Variants in CLEC20A observed in about 807,000 individuals in gnomAD.
The protein encoded by CLEC20A is C-type lectin domain containing 20A.
rs191290839 is a variant in CLEC20A, at chr1:178,492,515, G to A, written c.449C>T (p.Thr150Ile). The A allele has an allele frequency of 9.0e-4, 359 of 398,560 alleles. 1 individual carries two copies. Among genetic ancestry groups the A allele is most frequent in the African/African-American group, 6.9e-3 (338 of 48,728 alleles). 24.7% of individuals were successfully genotyped at this position (398,560 alleles called of 1,614,324 possible). ...CAGGTATGTACCTGGCTTTGGAGAG[G>A]TGGTCAGGCTGAGAGAGGGCTTCGT... The change falls in exon 3 of 8, where the codon ACC becomes ATC. Residue 150 changes from threonine to isoleucine, a missense_variant. Thr to Ile is a moderately conservative substitution (Grantham distance 89). Coordinates refer to ENST00000623247, the Ensembl canonical transcript of CLEC20A.
In CLEC20A at chr1:178,483,337, C is replaced by T. The variant is rs573297822; in HGVS notation, c.929-55G>A. 1.0e-5 allele frequency: 4 copies of T among 398,216 alleles called. No homozygotes were observed. The South Asian group carries it at 5.1e-4, about 51-fold the overall frequency. The allele number at this position is 398,216 out of a possible 1,614,324, so 24.7% of individuals were successfully genotyped here. On this transcript the variant is annotated intron_variant, in intron 5 of 7. Transcript: ENST00000623247. ...GCAAATACAACCAGGAGTAAGGTGG[C>T]CTGATATTGGTGACTGCCCCTGAGC...
intron 5 of CLEC20A, 64 bp downstream of exon 5, chr1:178,488,437 G>T (rs1649200071): frequency 2.5e-6 from 1 of 398,608 alleles, no homozygotes. Context: ...GGGCCTGCAA[G>T]CCAGCCTTGC....
chr1:178,497,126 G>C (rs965221251), upstream of CLEC20A: 13 of 395,722 alleles, frequency 3.3e-5, no homozygotes, highest in Non-Finnish European at 4.9e-5. Context: ...AGTGTCTGTC[G>C]CTGCCAGCAG....
At chr1:178,487,677 C>T (rs556986449) in intron 5 of CLEC20A, among the ~76,000 whole-genome samples, 1 of 152,366 alleles carries the variant, frequency 6.6e-6, no homozygotes, top group Non-Finnish European at 1.5e-5. Context: ...TCAGAACAAA[C>T]CTTCCCTTTT....
upstream of CLEC20A, chr1:178,497,138 G>A (rs1270675330): frequency 2.5e-6 from 1 of 395,388 alleles, no homozygotes; most frequent in Non-Finnish European, 4.5e-6. Flanking sequence ...TGCCAGCAGG[G>A]TGTGAGGTGC....
At chr1:178,496,857 G>A (rs950773719) in intron 1 of CLEC20A, 43 bp downstream of exon 1, 21 of 398,478 alleles carry the variant, frequency 5.3e-5, no homozygotes, top group South Asian at 3.8e-4. Flanking sequence ...TAGCCCGGGG[G>A]AGCATGGAGC....
chr1:178,487,991 G>A (rs1336121961), intron 5 of CLEC20A, among the ~76,000 whole-genome samples: 1 of 152,194 alleles, frequency 6.6e-6, no homozygotes, highest in Non-Finnish European at 1.5e-5. Flanking sequence ...TGCTGTCACT[G>A]TCCTTCCCAG....
At chr1:178,494,833 A>T (rs1649348548) in intron 1 of CLEC20A, 23 bp from the exon 2 acceptor site, 1 of 399,072 alleles carries the variant, frequency 2.5e-6, no homozygotes, top group African/African-American at 2.1e-5. Context: ...AGGCTGTCAT[A>T]GCATGGCTGT....
chr1:178,497,211 C>G (rs1649418974), upstream of CLEC20A: 1 of 374,780 alleles, frequency 2.7e-6, no homozygotes, highest in South Asian at 1.5e-4. Flanking sequence ...AACAGTGTCC[C>G]AAAATGAAGG....
intron 1 of CLEC20A, chr1:178,496,619 T>C: frequency 5.3e-6 from 2 of 380,122 alleles, no homozygotes; most frequent in Non-Finnish European, 9.3e-6. Context: ...CGGCCGTCTC[T>C]TTGAGGAATG....
intron 4 of CLEC20A, among the ~76,000 whole-genome samples, chr1:178,489,175 T>C (rs181744288): frequency 3.6e-4 from 55 of 152,086 alleles, no homozygotes; most frequent in Middle Eastern, 3.4e-3. Flanking sequence ...CCAGCCTGGC[T>C]AACATGGCAA....
At chr1:178,480,358 G>C (rs918965931) in intron 7 of CLEC20A, 4 of 152,108 alleles carry the variant, frequency 2.6e-5, no homozygotes, top group Non-Finnish European at 4.4e-5. Context: ...TCCCTATTTC[G>C]ACCTCAGTTT....
At chr1:178,493,051 T>C (rs907505818) in intron 2 of CLEC20A, among the ~76,000 whole-genome samples, 2 of 152,194 alleles carry the variant, frequency 1.3e-5, no homozygotes, top group Admixed American at 6.5e-5. Flanking sequence ...GCTCACTCTG[T>C]GTAGAGAACA....
At chr1:178,479,915 A>T (rs536515431) in intron 7 of CLEC20A, 3 of 197,632 alleles carry the variant, frequency 1.5e-5, no homozygotes, top group African/African-American at 2.3e-5. Context: ...AAAAAAAAAA[A>T]AAAGAAAAAA....
exon 4 of CLEC20A, chr1:178,490,221 G>A (rs1216016267): frequency 2.3e-5 from 9 of 398,810 alleles, no homozygotes; most frequent in Middle Eastern, 1.3e-3. Flanking sequence ...CAGGTCACTG[G>A]ACCAGCTCAG....
intron 1 of CLEC20A, among the ~76,000 whole-genome samples, chr1:178,495,181 T>C (rs1458889802): frequency 2.6e-5 from 4 of 152,214 alleles, no homozygotes; most frequent in African/African-American, 7.2e-5. Flanking sequence ...CAATAGACAA[T>C]GCTTGCTGAG....
chr1:178,490,220 G>A, exon 4 of CLEC20A: 1 of 398,798 alleles, frequency 2.5e-6, no homozygotes, highest in East Asian at 3.6e-5. Context: ...CCAGGTCACT[G>A]GACCAGCTCA....
At chr1:178,495,971 A>C (rs1288841754) in intron 1 of CLEC20A, 2 of 152,608 alleles carry the variant, frequency 1.3e-5, no homozygotes, top group Non-Finnish European at 2.9e-5. Flanking sequence ...GGAGAATGAG[A>C]CTGGAGAGCT....
upstream of CLEC20A, among the ~76,000 whole-genome samples, chr1:178,498,358 G>A (rs778434358): frequency 6.6e-6 from 1 of 152,098 alleles, no homozygotes; most frequent in Non-Finnish European, 1.5e-5. Context: ...TTGAGAAACC[G>A]AGGCAGGAGG....
Sources: allele counts gnomAD v4.1 joint callset (sites outside exome capture counted in the v4.1 genomes callset), GRCh38; gene constraint gnomAD v4.1.1; transcripts MANE v1.5; gene names NCBI Gene and HGNC (gene_info 2026-07-23, HGNC 2026-07-21).